Variants in ARMC9 observed in about 807,000 individuals in gnomAD.
ARMC9 encodes the protein lisH domain-containing protein ARMC9.
A neutral mutation model predicts 107.0 loss-of-function variants in ARMC9; 94 were observed. That is an observed-to-expected ratio of 0.88 (90% CI 0.74 to 1.04). The LOEUF (loss-of-function observed/expected upper bound fraction) is 1.04, where lower values mean the gene tolerates loss of function less well. Ranked by LOEUF, ARMC9 falls within the 50% of genes least tolerant of loss-of-function variation. The probability of loss-of-function intolerance (pLI) is 0.00; values close to 1 mark genes in which losing one functional copy is unlikely to be tolerated. For synonymous variants in ARMC9, 380 were observed against 396.9 expected (o/e 0.96, Z 0.51); for missense variants, 942 against 1,030.1 (o/e 0.91, Z 1.17).
At chr2:231,238,268 A>T (rs2035957659) in intron 8 of ARMC9, among the ~76,000 whole-genome samples, 1 of 152,184 alleles carries the variant, frequency 6.6e-6, no homozygotes, top group East Asian at 1.9e-4. Context: ...TTTAATATGA[A>T]ATATATGTGA....
chr2:231,248,663 C>T (rs2125389194), intron 9 of ARMC9, among the ~76,000 whole-genome samples: 1 of 152,034 alleles, frequency 6.6e-6, no homozygotes, highest in Middle Eastern at 3.4e-3. Context: ...AAAAATTAGC[C>T]AGGCGTGGTG....
chr2:231,321,929 C>T (rs2043019024), intron 19 of ARMC9, among the ~76,000 whole-genome samples: 1 of 152,154 alleles, frequency 6.6e-6, no homozygotes, highest in Admixed American at 6.5e-5. Flanking sequence ...GCGACTTTGC[C>T]ATCATCTCCA....
intron 9 of ARMC9, among the ~76,000 whole-genome samples, chr2:231,245,876 G>A (rs750874856): frequency 6.6e-6 from 1 of 152,128 alleles, no homozygotes; most frequent in Admixed American, 6.5e-5. Flanking sequence ...TGGAGAAAAG[G>A]TATGCCACGA....
chr2:231,322,217 G>A (rs1003052673), intron 19 of ARMC9, among the ~76,000 whole-genome samples: 2 of 152,212 alleles, frequency 1.3e-5, no homozygotes, highest in Non-Finnish European at 2.9e-5. Flanking sequence ...TCGTGGGCAC[G>A]TGCTCAGGAG....
chr2:231,360,835 G>A lies in ARMC9; in HGVS notation c.2213G>A (p.Arg738His), dbSNP rs570719658. 1.0e-5 allele frequency: 16 copies of A among 1,535,806 alleles called. No homozygotes were observed. Among genetic ancestry groups the A allele is most frequent in the East Asian group, 4.9e-5 (2 of 40,910 alleles). The change falls in exon 23 of 25, where the codon CGC becomes CAC. Residue 738 changes from arginine to histidine, a missense_variant. By Grantham distance (29) the Arg-to-His change is conservative. Coordinates refer to ENST00000611582, the MANE Select transcript of ARMC9 (RefSeq NM_001352754.2). This position sits in a 1 kb window ranked among gnomAD's most constrained non-coding sequence, Gnocchi z 4.7. ...CGCCCAGCCCCCACGGGGACCCCCC[G>A]CCAGCCAAGGGAGGCGCCCCAGGAC... ...EPRPAPTGTPRQPREAPQDPG... is the reference protein window; with the variant it reads ...EPRPAPTGTPHQPREAPQDPG...
chr2:231,294,228 C>T (rs1444410041), intron 18 of ARMC9: 1 of 152,216 alleles, frequency 6.6e-6, no homozygotes, highest in Non-Finnish European at 1.5e-5. Flanking sequence ...AGGAAAATTC[C>T]AGCTGGTGAC....
intron 22 of ARMC9, among the ~76,000 whole-genome samples, chr2:231,359,515 C>T (rs1488562266): frequency 6.6e-6 from 1 of 152,126 alleles, no homozygotes; most frequent in East Asian, 1.9e-4. Context: ...CTCAGTTCCT[C>T]CTTTTTTATG....
intron 7 of ARMC9, among the ~76,000 whole-genome samples, chr2:231,231,363 C>G (rs567092457): frequency 7.2e-5 from 11 of 152,198 alleles, no homozygotes; most frequent in African/African-American, 2.7e-4. Context: ...ATTTTGAACT[C>G]TCTATATATA....
At chr2:231,236,390 C>T (rs2035716749) in intron 8 of ARMC9, among the ~76,000 whole-genome samples, 1 of 152,078 alleles carries the variant, frequency 6.6e-6, no homozygotes. Context: ...TGAATAATGT[C>T]ATCATGGGCA....
At chr2:231,227,248 C>G (rs770840496) in intron 7 of ARMC9, among the ~76,000 whole-genome samples, 1 of 152,128 alleles carries the variant, frequency 6.6e-6, no homozygotes, top group Non-Finnish European at 1.5e-5. Context: ...GTAGGAATTC[C>G]AGTCTTCAGT....
intron 19 of ARMC9, among the ~76,000 whole-genome samples, chr2:231,326,268 G>A (rs1455953401): frequency 6.6e-6 from 1 of 152,204 alleles, no homozygotes; most frequent in Non-Finnish European, 1.5e-5. Flanking sequence ...CTGGGCCTCT[G>A]TTTCCACACC....
At chr2:231,257,345 C>T (rs888408304) in intron 10 of ARMC9, among the ~76,000 whole-genome samples, 1 of 152,160 alleles carries the variant, frequency 6.6e-6, no homozygotes, top group Non-Finnish European at 1.5e-5. Flanking sequence ...GGGCTGTCCC[C>T]CTTACGAGTG....
intron 9 of ARMC9, among the ~76,000 whole-genome samples, chr2:231,242,150 CTT>C (rs779277500): frequency 2.8e-4 from 39 of 139,780 alleles, no homozygotes; most frequent in Middle Eastern, 3.7e-3. Context: ...AGTTCAAATG[CTT>C]TTTTTTTTTT....
At position 231,262,287 on chromosome 2, in the gene ARMC9, T is replaced by C. The variant is rs773453446; in HGVS notation, c.1027-19T>C. 1 of 1,613,020 alleles carries C rather than the reference T, an allele frequency of 6.2e-7. No individual in the cohort carries two copies. Among genetic ancestry groups the C allele is most frequent in the Non-Finnish European group, 8.5e-7 (1 of 1,178,996 alleles). The stretch of plus-strand genomic sequence containing the variant: ...TGATAAGACTTAGGTCTCACTACTT[T>C]TGTTTTTCTTTGCTCCAGCGCTTGA... On this transcript the variant is annotated intron_variant, in intron 11 of 24. Coordinates refer to ENST00000611582, the MANE Select transcript of ARMC9 (RefSeq NM_001352754.2).
intron 19 of ARMC9, among the ~76,000 whole-genome samples, chr2:231,323,669 T>C (rs1340337939): frequency 6.6e-6 from 1 of 152,196 alleles, no homozygotes; most frequent in African/African-American, 2.4e-5. Flanking sequence ...AGCAGAGAAT[T>C]TAAGAAATTT....
intron 19 of ARMC9, among the ~76,000 whole-genome samples, chr2:231,303,339 T>G (rs1388936823): frequency 2.0e-5 from 3 of 152,236 alleles, no homozygotes; most frequent in Non-Finnish European, 4.4e-5. Context: ...AATCTAGCTA[T>G]CCTTTATTTT....
intron 1 of ARMC9, among the ~76,000 whole-genome samples, chr2:231,203,339 C>T (rs2031389202): frequency 1.3e-5 from 2 of 152,126 alleles, no homozygotes; most frequent in African/African-American, 4.8e-5. Flanking sequence ...AGGGTTCTTC[C>T]TTCCCTTCTT....
Position 231,239,342 on chromosome 2 carries a change from C to T in ARMC9, c.781-601C>T, listed in dbSNP as rs934599691. On this transcript the variant is annotated intron_variant, in intron 8 of 24. Coordinates refer to ENST00000611582, the MANE Select transcript of ARMC9 (RefSeq NM_001352754.2). ...TAAAGGAGAATGCAGGATCCAGCAGCGTTGATGGCGACAGCAGCTCAGCCG... is the reference window on the plus strand; with the variant it reads ...TAAAGGAGAATGCAGGATCCAGCAGTGTTGATGGCGACAGCAGCTCAGCCG... Among the ~76,000 whole-genome samples the T allele has an allele frequency of 3.4e-4, 52 of 152,284 alleles. 1 individual carries two copies. The highest frequency in any genetic ancestry group is 6.8e-3 in the Middle Eastern group (2 of 294).
At chr2:231,256,503 C>T (rs2037831902) in intron 9 of ARMC9, 83 bp from the exon 10 acceptor site, 2 of 1,522,740 alleles carry the variant, frequency 1.3e-6, no homozygotes, top group Admixed American at 1.7e-5. Context: ...TCTGTTGATT[C>T]CATGCTATTA....
Sources: gnomAD v4.1 joint callset for allele counts (sites outside exome capture counted in the v4.1 genomes callset) on GRCh38, gnomAD v4.1.1 for gene constraint, Gnocchi (gnomAD v3.1) non-coding constraint, MANE v1.5 for transcripts, NCBI Gene and HGNC (gene_info 2026-07-23, HGNC 2026-07-21) for gene names.